Variants in CASZ1 observed in about 807,000 individuals in gnomAD.
The protein encoded by CASZ1 is castor zinc finger 1.
A neutral mutation model predicts 135.2 loss-of-function variants in CASZ1; 28 were observed. The observed-to-expected ratio is 0.21, with a 90% CI of 0.15 to 0.28. The LOEUF (loss-of-function observed/expected upper bound fraction) is 0.28, where lower values mean the gene tolerates loss of function less well. CASZ1 is among the 10% of genes least tolerant of loss of function. The pLI, the probability that CASZ1 is intolerant of heterozygous loss-of-function variation, is 1.00. For synonymous variants in CASZ1, 1,068 were observed against 1,073.4 expected, an observed-to-expected ratio of 0.99 and a Z score of 0.10; for missense variants, 2,161 against 2,453.3, an observed-to-expected ratio of 0.88 and a Z score of 2.52.
chr1:10,676,214 A>G lies in CASZ1; in HGVS notation c.17-10643T>C, dbSNP rs1034483389. On this transcript the variant is annotated intron_variant, in intron 4 of 20. Coordinates refer to ENST00000377022, the MANE Select transcript of CASZ1 (RefSeq NM_001079843.3). The surrounding 1 kb of genome is among the most constrained non-coding windows in gnomAD (Gnocchi z 4.5). ...GACAAACCCATGCCAACCAAGTGACAGACACCAAGGCCCTGCTGGACTGGC... is the reference window on the plus strand; with the variant it reads ...GACAAACCCATGCCAACCAAGTGACGGACACCAAGGCCCTGCTGGACTGGC... Among the ~76,000 whole-genome samples, 1 of 152,160 alleles carries G rather than the reference A, an allele frequency of 6.6e-6. No individual in the cohort carries two copies. Among genetic ancestry groups the G allele is most frequent in the African/African-American group, 2.4e-5 (1 of 41,444 alleles).
At position 10,706,137 on chromosome 1, in the gene CASZ1, C is replaced by T. The variant is rs1444425785; in HGVS notation, c.-76-593G>A. Among the ~76,000 whole-genome samples, 1 of 152,258 alleles carries T rather than the reference C, an allele frequency of 6.6e-6. No individual in the cohort carries two copies. The highest frequency in any genetic ancestry group is 1.5e-5 in the Non-Finnish European group (1 of 68,034). The stretch of plus-strand genomic sequence containing the variant: ...CGACAGCACCTTCCACCCCGGGGTC[C>T]TACCCATGAGTCATCACAGCCCATG... On this transcript the variant is annotated intron_variant, in intron 2 of 20. Coordinates refer to ENST00000377022, the MANE Select transcript of CASZ1 (RefSeq NM_001079843.3). This position sits in a 1 kb window ranked among gnomAD's most constrained non-coding sequence, Gnocchi z 4.3.
At chr1:10,708,908 TCCGG>T (rs1639227425) in intron 2 of CASZ1, among the ~76,000 whole-genome samples, 1 of 132,956 alleles carries the variant, frequency 7.5e-6, no homozygotes. Context: ...CAGAGGCTCC[TCCGG>T]CACAAGAGGT....
chr1:10,647,466 C>T lies in CASZ1; in HGVS notation c.3497+335G>A, dbSNP rs946579497. On this transcript the variant is annotated intron_variant, in intron 16 of 20. Coordinates refer to ENST00000377022, the MANE Select transcript of CASZ1 (RefSeq NM_001079843.3). The surrounding 1 kb of genome is among the most constrained non-coding windows in gnomAD (Gnocchi z 4.9). Reference sequence around the variant, plus strand: ...GCCAATACGGAGGCTCGGAGGGAGACGCAGCCCTCCTTGTCAGGCTGGGAG... The same window carrying T: ...GCCAATACGGAGGCTCGGAGGGAGATGCAGCCCTCCTTGTCAGGCTGGGAG... 1.8e-5 allele frequency: 22 copies of T among 1,221,278 alleles called. No homozygotes were observed. The highest frequency in any genetic ancestry group is 1.8e-5 in the South Asian group (1 of 56,978). The allele number at this position is 1,221,278 out of a possible 1,614,324, so 75.7% of individuals were successfully genotyped here.
intron 12 of CASZ1, 61 bp from the exon 13 acceptor site, chr1:10,650,816 A>G (rs1016668038): frequency 6.2e-7 from 1 of 1,602,016 alleles, no homozygotes; most frequent in Non-Finnish European, 8.5e-7. Flanking sequence ...CCTGGGGCTC[A>G]CCTTCCCTGC....
At chr1:10,682,343 G>T (rs1638452552) in intron 4 of CASZ1, among the ~76,000 whole-genome samples, 1 of 152,082 alleles carries the variant, frequency 6.6e-6, no homozygotes, top group Non-Finnish European at 1.5e-5. Context: ...GAGAGGCAGA[G>T]GGCAGGGTTG....
chr1:10,659,579 T>G, intron 6 of CASZ1, 123 bp downstream of exon 6: 1 of 734,336 alleles, frequency 1.4e-6, no homozygotes, highest in Non-Finnish European at 2.4e-6. Context: ...GGATGCACAG[T>G]GGATGTGTAT....
chr1:10,730,908 C>A (rs528299932), intron 2 of CASZ1, among the ~76,000 whole-genome samples: 2 of 151,630 alleles, frequency 1.3e-5, no homozygotes, highest in Non-Finnish European at 2.9e-5. Flanking sequence ...GAGTTCAAGA[C>A]CAGCCTGGAC....
In CASZ1 at chr1:10,643,289, G is replaced by C. The variant is rs1018748331; in HGVS notation, c.3891C>G (p.Asn1297Lys). 1 of 1,612,774 alleles carries C rather than the reference G, an allele frequency of 6.2e-7. No homozygotes were observed. Among genetic ancestry groups the C allele is most frequent in the East Asian group, 2.2e-5 (1 of 44,894 alleles). ...CCTCCCGGATGCAGTGGAAGTGGCT[G>C]TTCACCTGGTTGTACTTGCAACCTG... ...GRLGCKYNQVNSHFHCIREGC... is the reference protein window; with the variant it reads ...GRLGCKYNQVKSHFHCIREGC... Residue 1297 changes from asparagine (N) to lysine (K), a missense_variant, in exon 19 of 21, where the codon AAC becomes AAG. Asn to Lys is a moderately conservative substitution (Grantham distance 94, BLOSUM62 0). Transcript: ENST00000377022.
chr1:10,667,322 G>A (rs1643267090), intron 4 of CASZ1, among the ~76,000 whole-genome samples: 1 of 152,178 alleles, frequency 6.6e-6, no homozygotes, highest in Non-Finnish European at 1.5e-5. Context: ...GCCCAGCCAG[G>A]CCCACTGCCA....
At position 10,665,465 on chromosome 1, in the gene CASZ1, C is replaced by G; in HGVS notation, c.123G>C (p.Gln41His). The G allele has an allele frequency of 6.2e-7, 1 of 1,609,822 alleles. No individual in the cohort carries two copies. Among genetic ancestry groups the G allele is most frequent in the South Asian group, 1.1e-5 (1 of 91,064 alleles). The change falls in exon 5 of 21, where the codon CAG becomes CAC. Residue 41 changes from glutamine (Q) to histidine (H), a missense_variant. By Grantham distance (24) the Gln-to-His change is conservative (BLOSUM62 0). Transcript: ENST00000377022. ...LNAICAKLSR[Q>H]VVVEKRADAG... Reference sequence around the variant, plus strand: ...CGTCAGCTCGCTTCTCCACCACCACCTGGCGGCTCAGCTTGGCGCAGATGG... The same window carrying G: ...CGTCAGCTCGCTTCTCCACCACCACGTGGCGGCTCAGCTTGGCGCAGATGG...
At position 10,639,231 on chromosome 1, in the gene CASZ1, G is replaced by GCGGCGC. The variant is rs1266659045; in HGVS notation, c.4985_4990dup (p.Gly1662_Ala1663dup). 2.2e-6 allele frequency: 2 copies of GCGGCGC among 922,570 alleles called. No individual in the cohort carries two copies. Among genetic ancestry groups the GCGGCGC allele is most frequent in the South Asian group, 4.8e-5 (1 of 20,924 alleles). 57.1% of individuals were successfully genotyped at this position (922,570 alleles called of 1,614,324 possible). Reference sequence around the variant, plus strand: ...CTCCCCAGCTGCGGCGGCGGCGGCGGCGGCGCCCTCGCGCGGCCCGGGGGC... The same window carrying GCGGCGC: ...CTCCCCAGCTGCGGCGGCGGCGGCGGCGGCGCCGGCGCCCTCGCGCGGCCCGGGGGC... On this transcript the variant is annotated inframe_insertion, in exon 21 of 21. Coordinates refer to ENST00000377022, the MANE Select transcript of CASZ1 (RefSeq NM_001079843.3). The surrounding 1 kb of genome is among the most constrained non-coding windows in gnomAD (Gnocchi z 4.0).
intron 2 of CASZ1, among the ~76,000 whole-genome samples, chr1:10,714,167 G>C (rs1017516401): frequency 2.0e-5 from 3 of 152,112 alleles, no homozygotes; most frequent in African/African-American, 7.2e-5. Flanking sequence ...ATTAGCCGGT[G>C]TGGTGGCACG....
intron 4 of CASZ1, among the ~76,000 whole-genome samples, chr1:10,675,283 C>T (rs1001865646): frequency 1.3e-5 from 2 of 152,174 alleles, no homozygotes; most frequent in Non-Finnish European, 2.9e-5. Flanking sequence ...CCTGCGCTGG[C>T]AGCAAAATGT....
In CASZ1 at chr1:10,784,021, T is replaced by G. The variant is rs185905224; in HGVS notation, c.-234+12543A>C. Among the ~76,000 whole-genome samples, 106 of 152,252 alleles carry G rather than the reference T, an allele frequency of 7.0e-4. 1 individual carries two copies. In the East Asian group the frequency reaches 0.019, roughly 28 times the overall value. On this transcript the variant is annotated intron_variant, in intron 1 of 20. Transcript: ENST00000377022. ...CACAAGAACCCCAGCGAGGCGGCAC[T>G]GCTGACTGCCTGCCCAATTCCACAG...
In CASZ1 at chr1:10,709,229, CGGGGCCATGGGGGCTCGG is replaced by C. The variant is rs1639235562; in HGVS notation, c.-76-3703_-76-3686del. Among the ~76,000 whole-genome samples, 1 of 152,100 alleles carries C rather than the reference CGGGGCCATGGGGGCTCGG, an allele frequency of 6.6e-6. No homozygotes were observed. Among genetic ancestry groups the C allele is most frequent in the African/African-American group, 2.4e-5 (1 of 41,446 alleles). The stretch of plus-strand genomic sequence containing the variant: ...ACTCCTACCTGCTCCCCAGGCCTCC[CGGGGCCATGGGGGCTCGG>C]GGCAGCTGTCGGGCTGCCCATCCGC... On this transcript the variant is annotated intron_variant, in intron 2 of 20. Transcript: ENST00000377022. The surrounding 1 kb of genome is among the most constrained non-coding windows in gnomAD (Gnocchi z 5.1).
At chr1:10,773,093 G>A (rs929255053) in intron 1 of CASZ1, among the ~76,000 whole-genome samples, 12 of 152,056 alleles carry the variant, frequency 7.9e-5, no homozygotes, top group African/African-American at 2.4e-4. Flanking sequence ...ATCGAGCACC[G>A]GTGGGAACCC....
chr1:10,753,261 G>C lies in CASZ1; in HGVS notation c.-77+7440C>G, dbSNP rs760969001. On this transcript the variant is annotated intron_variant, in intron 2 of 20. Transcript: ENST00000377022. ...GGGTACAGTTCCTACGGGGTGAGCA[G>C]GACAGAAGAGGCAGTGAGGGGGAGT... Among the ~76,000 whole-genome samples, 10 of 152,202 alleles carry C rather than the reference G, an allele frequency of 6.6e-5. 1 individual carries two copies. Among genetic ancestry groups the C allele is most frequent in the Admixed American group, 6.5e-4 (10 of 15,290 alleles).
rs2124660438 is a variant in CASZ1 at position 10,638,951 on chromosome 1, G to A, written c.5271C>T (p.Ser1757=). Residue 1757 remains serine (S), a synonymous_variant, in exon 21 of 21, where the codon TCC becomes TCT. Transcript: ENST00000377022. This position sits in a 1 kb window ranked among gnomAD's most constrained non-coding sequence, Gnocchi z 5.9. ...GAPGPAPTAA[S]SP ...CCACCCGCGGGCGCCGCTAGGGCGA[G>A]GAGGCTGCAGTGGGCGCGGGGCCGG... 3.1e-6 allele frequency: 3 copies of A among 981,066 alleles called. No homozygotes were observed. Among genetic ancestry groups the A allele is most frequent in the South Asian group, 9.1e-5 (2 of 21,922 alleles). The allele number at this position is 981,066 out of a possible 1,614,324, so 60.8% of individuals were successfully genotyped here.
chr1:10,662,724 GACTC>G (rs1643090898), intron 5 of CASZ1, among the ~76,000 whole-genome samples: 1 of 151,886 alleles, frequency 6.6e-6, no homozygotes, highest in Non-Finnish European at 1.5e-5. Flanking sequence ...CACTCATACA[GACTC>G]ACAGACACCA....
Sources: allele counts gnomAD v4.1 joint callset (sites outside exome capture counted in the v4.1 genomes callset), GRCh38; gene constraint gnomAD v4.1.1; non-coding constraint Gnocchi (gnomAD v3.1); transcripts MANE v1.5; gene names NCBI Gene and HGNC (gene_info 2026-07-23, HGNC 2026-07-21).